LHFPL3: variants seen among roughly 807,000 people sequenced by gnomAD.
LHFPL3 encodes LHFPL tetraspan subfamily member 3.
In LHFPL3, 5 loss-of-function variants were observed where a neutral mutation model predicts 19.3. The observed-to-expected ratio is 0.26, with a 90% CI of 0.14 to 0.54. The LOEUF (loss-of-function observed/expected upper bound fraction) is 0.54. Ranked by LOEUF, LHFPL3 falls within the 20% of genes least tolerant of loss-of-function variation. The pLI is 0.94. For missense variants in LHFPL3, 249 were observed against 307.4 expected (o/e 0.81, Z 1.42); for synonymous variants, 133 against 126.2 (o/e 1.05, Z -0.36).
intron 2 of LHFPL3, among the ~76,000 whole-genome samples, chr7:104,809,562 C>G (rs564397459): frequency 5.1e-4 from 78 of 152,292 alleles, no homozygotes; most frequent in Middle Eastern, 3.4e-3. Flanking sequence ...TTCTTAAATT[C>G]TATTACTAGC....
chr7:104,349,688 T>A (rs1159202995), intron 1 of LHFPL3, among the ~76,000 whole-genome samples: 1 of 152,222 alleles, frequency 6.6e-6, no homozygotes, highest in African/African-American at 2.4e-5. Flanking sequence ...AACCTGCACG[T>A]TCTGCACATG....
chr7:104,346,040 C>CTTTTTTTTTTTTTTT (rs35726797), intron 1 of LHFPL3, among the ~76,000 whole-genome samples: 2 of 140,400 alleles, frequency 1.4e-5, no homozygotes, highest in African/African-American at 2.6e-5. Flanking sequence ...TTTATTCCTT[C>CTTTTTTTTTTTTTTT]TTTTTTTTTT....
At chr7:104,877,838 A>ATT (rs36063537) in intron 2 of LHFPL3, among the ~76,000 whole-genome samples, 21,653 of 147,816 alleles carry the variant, frequency 0.15, 2,037 homozygotes, top group Non-Finnish European at 0.22. Flanking sequence ...TTATAGCAGC[A>ATT]TTTTTTTTTT....
At chr7:104,725,617 A>T (rs1422131828) in intron 1 of LHFPL3, among the ~76,000 whole-genome samples, 2 of 152,190 alleles carry the variant, frequency 1.3e-5, no homozygotes, top group African/African-American at 4.8e-5. Flanking sequence ...AATTCTTTTC[A>T]TGGAAACAAT....
chr7:104,428,971 A>G (rs896162373), intron 1 of LHFPL3, among the ~76,000 whole-genome samples: 2 of 152,176 alleles, frequency 1.3e-5, no homozygotes, highest in Non-Finnish European at 2.9e-5. Flanking sequence ...AAACAAGCAA[A>G]CCAGCTAAAT....
intron 2 of LHFPL3, among the ~76,000 whole-genome samples, chr7:104,824,548 T>G (rs1270916038): frequency 4.0e-5 from 3 of 74,614 alleles, no homozygotes; most frequent in Non-Finnish European, 6.9e-5. Flanking sequence ...TATAATTATA[T>G]ATAATATATA....
intron 2 of LHFPL3, among the ~76,000 whole-genome samples, chr7:104,834,225 C>A (rs781679733): frequency 1.3e-5 from 2 of 151,446 alleles, no homozygotes; most frequent in Non-Finnish European, 2.9e-5. Context: ...CACCCAGGAT[C>A]AATACTTTGC....
chr7:104,847,024 T>C (rs1410539423), intron 2 of LHFPL3, among the ~76,000 whole-genome samples: 1 of 150,474 alleles, frequency 6.6e-6, no homozygotes, highest in Non-Finnish European at 1.5e-5. Context: ...TGAATTTCTG[T>C]AACTAACTGA....
intron 1 of LHFPL3, among the ~76,000 whole-genome samples, chr7:104,360,729 GTGTGTGTGTGTGTA>G (rs961880133): frequency 3.1e-4 from 35 of 111,804 alleles, no homozygotes; most frequent in African/African-American, 1.1e-3. Context: ...GTGTGTGTGT[GTGTGTGTGTGTGTA>G]TACATTTACA....
rs116214123 is a variant in LHFPL3, at chr7:104,766,337, C to A, written c.682+29426C>A. On this transcript the variant is annotated intron_variant, in intron 2 of 2. Transcript: ENST00000424859. ...AAGGAGCACTATCTTTGACAAGGCTCTTACATCCTCTTAGAAAGTCCAGCC... is the reference window on the plus strand; with the variant it reads ...AAGGAGCACTATCTTTGACAAGGCTATTACATCCTCTTAGAAAGTCCAGCC... 6.9e-3 allele frequency among the ~76,000 whole-genome samples: 1,046 copies of A among 152,316 alleles called. 7 individuals carry two copies. Among genetic ancestry groups the A allele is most frequent in the African/African-American group, 0.023 (945 of 41,570 alleles).
At chr7:104,597,343 A>G (rs1790883911) in intron 1 of LHFPL3, among the ~76,000 whole-genome samples, 1 of 152,132 alleles carries the variant, frequency 6.6e-6, no homozygotes, top group Non-Finnish European at 1.5e-5. Flanking sequence ...TTCCATTTTC[A>G]CTCTTTATAT....
intron 2 of LHFPL3, among the ~76,000 whole-genome samples, chr7:104,900,210 C>G (rs1215082269): frequency 1.3e-5 from 2 of 152,212 alleles, no homozygotes; most frequent in Non-Finnish European, 2.9e-5. Flanking sequence ...AAATCAGCAG[C>G]AACATTCTAT....
At position 104,489,065 on chromosome 7, in the gene LHFPL3, A is replaced by G. The variant is rs1288316925; in HGVS notation, c.445+159841A>G. Among the ~76,000 whole-genome samples, 20 of 145,292 alleles carry G rather than the reference A, an allele frequency of 1.4e-4. 1 individual carries two copies. The Admixed American group carries it at 1.4e-3, about 10-fold the overall frequency. Reference sequence around the variant, plus strand: ...CTTGAAATCTTGCTGCTCTACTCTCACTGTGCTGAAATCTTTTTTTTTTTT... The same window carrying G: ...CTTGAAATCTTGCTGCTCTACTCTCGCTGTGCTGAAATCTTTTTTTTTTTT... On this transcript the variant is annotated intron_variant, in intron 1 of 2. Coordinates refer to ENST00000424859, the MANE Select transcript of LHFPL3 (RefSeq NM_199000.3).
intron 1 of LHFPL3, among the ~76,000 whole-genome samples, chr7:104,391,107 G>A (rs980102185): frequency 6.6e-6 from 1 of 152,040 alleles, no homozygotes; most frequent in African/African-American, 2.4e-5. Flanking sequence ...TGGGTAGATT[G>A]CAAACATTTT....
At chr7:104,520,302 T>A (rs1271051057) in intron 1 of LHFPL3, among the ~76,000 whole-genome samples, 1 of 149,836 alleles carries the variant, frequency 6.7e-6, no homozygotes, top group Non-Finnish European at 1.5e-5. Flanking sequence ...GAAGCCCACT[T>A]GATCATGGTG....
At chr7:104,768,140 G>GA (rs11362068) in intron 2 of LHFPL3, among the ~76,000 whole-genome samples, 21 of 132,344 alleles carry the variant, frequency 1.6e-4, no homozygotes, top group Admixed American at 9.0e-4. Flanking sequence ...TTATTCTCGT[G>GA]AAAAAAAAAA....
At chr7:104,824,958 G>A (rs1007977488) in intron 2 of LHFPL3, among the ~76,000 whole-genome samples, 1 of 143,436 alleles carries the variant, frequency 7.0e-6, no homozygotes, top group African/African-American at 2.6e-5. Context: ...TAGGAGCTTT[G>A]GAAGCCCAGG....
chr7:104,469,755 A>G (rs143784946), intron 1 of LHFPL3, among the ~76,000 whole-genome samples: 282 of 152,304 alleles, frequency 1.9e-3, no homozygotes, highest in African/African-American at 6.4e-3. Flanking sequence ...AGTCCAGGAA[A>G]AATGGTTATC....
At chr7:104,612,528 G>T (rs1240480007) in intron 1 of LHFPL3, among the ~76,000 whole-genome samples, 1 of 152,136 alleles carries the variant, frequency 6.6e-6, no homozygotes, top group Non-Finnish European at 1.5e-5. Flanking sequence ...TAAATTTTTC[G>T]AATGTACCAT....
Sources: allele counts gnomAD v4.1 joint callset (sites outside exome capture counted in the v4.1 genomes callset), GRCh38; gene constraint gnomAD v4.1.1; transcripts MANE v1.5; gene names NCBI Gene and HGNC (gene_info 2026-07-23, HGNC 2026-07-21).